Variants in DQX1 observed in about 807,000 individuals in gnomAD.
DQX1 encodes the protein ATP-dependent RNA helicase homolog DQX1.
A neutral mutation model predicts 81.3 loss-of-function variants in DQX1; 66 were observed. That is an observed-to-expected ratio of 0.81 (90% confidence interval 0.67 to 1.00). The LOEUF (loss-of-function observed/expected upper bound fraction) is 1.00, where lower values mean the gene tolerates loss of function less well. Ranked by LOEUF, DQX1 falls within the 50% of genes least tolerant of loss-of-function variation. The pLI, the probability that DQX1 is intolerant of heterozygous loss-of-function variation, is 0.00. For synonymous variants in DQX1, 290 were observed against 350.0 expected (o/e 0.83, Z 1.91); for missense variants, 798 against 867.9 (o/e 0.92, Z 1.01).
In DQX1 at chr2:74,525,892, T is replaced by C; in HGVS notation, c.-19-144A>G. 2.0e-5 allele frequency: 13 copies of C among 634,834 alleles called. No homozygotes were observed. The South Asian group carries it at 2.6e-4, about 13-fold the overall frequency. The allele number at this position is 634,834 out of a possible 1,614,324, so 39.3% of individuals were successfully genotyped here. On this transcript the variant is annotated intron_variant, in intron 1 of 11. Transcript: ENST00000404568. The surrounding 1 kb of genome is among the most constrained non-coding windows in gnomAD (Gnocchi z 4.1). Reference sequence around the variant, plus strand: ...AGCATTTCCTGCCAGGAAACAGTGCTAGGTATTTTGATAAAGGGCTACTGA... The same window carrying C: ...AGCATTTCCTGCCAGGAAACAGTGCCAGGTATTTTGATAAAGGGCTACTGA...
chr2:74,524,876 C>T, intron 3 of DQX1, 133 bp downstream of exon 3: 1 of 1,213,906 alleles, frequency 8.2e-7, no homozygotes, highest in Admixed American at 2.3e-5. Flanking sequence ...GAGTGAGACC[C>T]TTTCTCCAAA....
rs1675144617 is a variant in DQX1 at position 74,525,315 on chromosome 2, C to G, written c.238-113G>C. 2.3e-6 allele frequency: 3 copies of G among 1,322,968 alleles called. No homozygotes were observed. The highest frequency in any genetic ancestry group is 2.0e-6 in the Non-Finnish European group (2 of 982,712). 82.0% of individuals were successfully genotyped at this position (1,322,968 alleles called of 1,614,324 possible). A position where few individuals can be genotyped will look rare whatever the true frequency, so the allele number is the denominator to read the frequency against. On this transcript the variant is annotated intron_variant, in intron 2 of 11. Transcript: ENST00000404568. This position sits in a 1 kb window ranked among gnomAD's most constrained non-coding sequence, Gnocchi z 4.1. ...TTCCTTATTTGGGGAGTCCCCTGGT[C>G]TTTCACCAGCCTCCAGGGCCAACCT...
chr2:74,518,564 A>G lies in DQX1; in HGVS notation c.2036T>C (p.Leu679Ser), dbSNP rs1674946070. 2 of 1,614,052 alleles carry G rather than the reference A, an allele frequency of 1.2e-6. No homozygotes were observed. Among genetic ancestry groups the G allele is most frequent in the Admixed American group, 1.7e-5 (1 of 59,994 alleles). Reference sequence around the variant, plus strand: ...AAGGTCTCTGCTCTCACTGGGAGGCAAGTTACTCAGGAAGTATGGAGGGGC... The same window carrying G: ...AAGGTCTCTGCTCTCACTGGGAGGCGAGTTACTCAGGAAGTATGGAGGGGC... ...ELAPPYFLSNLPPSESRDLLN... is the reference protein window; with the variant it reads ...ELAPPYFLSNSPPSESRDLLN... Residue 679 changes from leucine to serine, a missense_variant, in exon 12 of 12, where the codon TTG (leucine) becomes TCG (serine). Coordinates refer to ENST00000404568, the MANE Select transcript of DQX1 (RefSeq NM_133637.3).
intron 1 of DQX1, 114 bp downstream of exon 1, chr2:74,526,022 A>C: frequency 2.6e-6 from 1 of 380,436 alleles, no homozygotes; most frequent in Non-Finnish European, 4.8e-6. Flanking sequence ...CCTCAAGGGC[A>C]GTAGAAATTA....
intron 10 of DQX1, 98 bp from the exon 11 acceptor site, chr2:74,519,328 G>A (rs998729256): frequency 2.5e-5 from 35 of 1,391,384 alleles, no homozygotes; most frequent in Non-Finnish European, 3.3e-5. Flanking sequence ...AGGGTGATGA[G>A]AGCATGAAAA....
At chr2:74,518,638 TTCTCTCTCTCTG>T (rs1674948393) in intron 11 of DQX1, 36 bp from the exon 12 acceptor site, 1 of 1,601,710 alleles carries the variant, frequency 6.2e-7, no homozygotes, top group African/African-American at 1.3e-5. Context: ...GATCTGCATC[TTCTCTCTCTCTG>T]TCTCTCTCTT....
intron 9 of DQX1, 65 bp from the exon 10 acceptor site, chr2:74,519,811 G>C (rs1674979611): frequency 2.5e-6 from 4 of 1,602,888 alleles, no homozygotes; most frequent in Non-Finnish European, 3.4e-6. Context: ...CCAACCCTTA[G>C]CCAAAGGGCC....
Position 74,523,524 on chromosome 2 carries a change from C to T in DQX1, c.830G>A (p.Cys277Tyr), listed in dbSNP as rs754741249. Residue 277 changes from cysteine (C) to tyrosine (Y), a missense_variant, in exon 5 of 12, where the codon TGC becomes TAC. Physicochemically the swap from Cys to Tyr is radical, Grantham distance 194 (BLOSUM62 -2). Transcript: ENST00000404568. Reference protein sequence around the residue: ...FLPSEEEISLCCESLSREVES... With the variant: ...FLPSEEEISLYCESLSREVES... ...TACCTCCCTGGACAAGGATTCACAG[C>T]ACAGGGAAATTTCCTGAGAAGAAGG... 137 of 1,612,084 alleles carry T rather than the reference C, an allele frequency of 8.5e-5. No individual in the cohort carries two copies. Among genetic ancestry groups the T allele is most frequent in the Middle Eastern group, 1.6e-4 (1 of 6,076 alleles).
At position 74,525,850 on chromosome 2, in the gene DQX1, T is replaced by A. The variant is rs781121126; in HGVS notation, c.-19-102A>T. On this transcript the variant is annotated intron_variant, in intron 1 of 11. Coordinates refer to ENST00000404568, the MANE Select transcript of DQX1 (RefSeq NM_133637.3). This position sits in a 1 kb window ranked among gnomAD's most constrained non-coding sequence, Gnocchi z 4.1. ...CCTCTACCTTCAGTTGATCATGCTCTGGGGCCCACCCTTCCCAGCATTTCC... is the reference window on the plus strand; with the variant it reads ...CCTCTACCTTCAGTTGATCATGCTCAGGGGCCCACCCTTCCCAGCATTTCC... The A allele has an allele frequency of 1.3e-6, 1 of 794,912 alleles. No individual in the cohort carries two copies. The highest frequency in any genetic ancestry group is 2.0e-6 in the Non-Finnish European group (1 of 507,276). 49.2% of individuals were successfully genotyped at this position (794,912 alleles called of 1,614,324 possible).
chr2:74,519,145 C>T lies in DQX1; in HGVS notation c.1892G>A (p.Arg631Gln), dbSNP rs369639265. ...GGGTCTGGCAGGAGCTCTGCGGCTT[C>T]GGTAGCAGCAGTATGAGGAGAGCTG... ...VAQLSSYCCY[R>Q]SRRAPARPPP... Residue 631 changes from arginine to glutamine, a missense_variant, in exon 11 of 12, where the codon CGA becomes CAA. By Grantham distance (43) the Arg-to-Gln change is conservative. Coordinates refer to ENST00000404568, the MANE Select transcript of DQX1 (RefSeq NM_133637.3). 24 of 1,613,346 alleles carry T rather than the reference C, an allele frequency of 1.5e-5. No homozygotes were observed. The Admixed American group carries it at 2.0e-4, about 13-fold the overall frequency.
At chr2:74,524,646 C>T (rs899383146) in intron 3 of DQX1, among the ~76,000 whole-genome samples, 1 of 152,062 alleles carries the variant, frequency 6.6e-6, no homozygotes, top group Non-Finnish European at 1.5e-5. Flanking sequence ...TGCCTGTAGT[C>T]CTTACACTTT....
chr2:74,525,485 C>G lies in DQX1; in HGVS notation c.237+8G>C. On this transcript the variant is annotated splice_region_variant and intron_variant, in intron 2 of 11. Coordinates refer to ENST00000404568, the MANE Select transcript of DQX1 (RefSeq NM_133637.3). This position sits in a 1 kb window ranked among gnomAD's most constrained non-coding sequence, Gnocchi z 4.1. ...AGAATCTGCCTGCCCCCACAACCCC[C>G]ACCACACCTGGGTGCTCTTGCCAGA... 3 of 1,551,748 alleles carry G rather than the reference C, an allele frequency of 1.9e-6. No homozygotes were observed. Among genetic ancestry groups the G allele is most frequent in the South Asian group, 1.2e-5 (1 of 84,050 alleles).
Position 74,523,444 on chromosome 2 carries a change from A to G in DQX1, c.910T>C (p.Cys304Arg), listed in dbSNP as rs774765935. The change falls in exon 5 of 12, where the codon TGT (cysteine) becomes CGT (arginine). Residue 304 changes from cysteine to arginine, a missense_variant. Cys to Arg is a radical substitution (Grantham distance 180, BLOSUM62 -3). Coordinates refer to ENST00000404568, the MANE Select transcript of DQX1 (RefSeq NM_133637.3). ...PPRVLPLHPD[C>R]GRAVQAVYED... is the part of the protein sequence containing the mutation. The stretch of plus-strand genomic sequence containing the variant: ...TACACAGCCTGAACGGCTCGTCCAC[A>G]GTCTGGGTGAAGGGGCAGTACTCGT... 2 of 1,614,054 alleles carry G rather than the reference A, an allele frequency of 1.2e-6. No individual in the cohort carries two copies. Among genetic ancestry groups the G allele is most frequent in the African/African-American group, 2.7e-5 (2 of 74,998 alleles).
intron 9 of DQX1, 46 bp downstream of exon 9, chr2:74,519,869 C>G: frequency 6.2e-7 from 1 of 1,602,752 alleles, no homozygotes; most frequent in Non-Finnish European, 8.5e-7. Context: ...ATAAAATTTC[C>G]CCTCTTTGGA....
At chr2:74,524,403 A>G (rs753496859) in intron 3 of DQX1, 96 bp from the exon 4 acceptor site, 19 of 1,484,388 alleles carry the variant, frequency 1.3e-5, no homozygotes, top group Non-Finnish European at 1.5e-5. Flanking sequence ...ATATTTTGAT[A>G]TTGAAGGTCA....
chr2:74,522,556 T>C, intron 8 of DQX1, 24 bp downstream of exon 8: 5 of 1,599,680 alleles, frequency 3.1e-6, no homozygotes, highest in Non-Finnish European at 4.3e-6. Context: ...TCAAGAGCTA[T>C]GGATTTACAG....
rs1028572635 is a variant in DQX1, at chr2:74,524,140, A to T, written c.599T>A (p.Val200Glu). ...RLEKLPGDLR[V>E]VVVTDPALEP... ...AAGGGCTGGGTCAGTAACCACAACC[A>T]CTCTGAGGTCCCCCGGAAGTTTTTC... The change falls in exon 4 of 12, where the codon GTG becomes GAG. Residue 200 changes from valine to glutamate, a missense_variant. By Grantham distance (121) the Val-to-Glu change is moderately radical. Coordinates refer to ENST00000404568, the MANE Select transcript of DQX1 (RefSeq NM_133637.3). 2.5e-6 allele frequency: 4 copies of T among 1,613,676 alleles called. No homozygotes were observed. In the Admixed American group the frequency reaches 6.7e-5, roughly 27 times the overall value.
At position 74,519,995 on chromosome 2, in the gene DQX1, T is replaced by G. The variant is rs773540618; in HGVS notation, c.1535A>C (p.Glu512Ala). Residue 512 changes from glutamate (E) to alanine (A), a missense_variant, in exon 9 of 12, where the codon GAA (glutamate) becomes GCA (alanine). Physicochemically the swap from Glu to Ala is moderately radical, Grantham distance 107 (BLOSUM62 -1). Transcript: ENST00000404568. The stretch of plus-strand genomic sequence containing the variant: ...TTCCAGGGCCCGACGCAGGGCAGCT[T>G]CTTCTGCACTGAGTGGAGGACGGGT... ...GFTRPPLSAE[E>A]AALRRALEHT... 24 of 1,614,024 alleles carry G rather than the reference T, an allele frequency of 1.5e-5. No individual in the cohort carries two copies. In the South Asian group the frequency reaches 2.0e-4, roughly 13 times the overall value.
intron 3 of DQX1, among the ~76,000 whole-genome samples, chr2:74,524,536 A>C (rs1675122250): frequency 6.6e-6 from 1 of 152,178 alleles, no homozygotes; most frequent in Admixed American, 6.5e-5. Context: ...GATGAGGGTG[A>C]GGCTGAATGT....
Sources: gnomAD v4.1 joint callset for allele counts (sites outside exome capture counted in the v4.1 genomes callset) on GRCh38, gnomAD v4.1.1 for gene constraint, Gnocchi (gnomAD v3.1) non-coding constraint, MANE v1.5 for transcripts, NCBI Gene and HGNC (gene_info 2026-07-23, HGNC 2026-07-21) for gene names.